PBX1: variants seen among roughly 807,000 people sequenced by gnomAD.
PBX1 encodes the protein pre-B-cell leukemia transcription factor 1.
PBX1 carries 6 observed loss-of-function variants against 53.4 expected under a neutral mutation model. The observed-to-expected ratio is 0.11, with a 90% CI of 0.06 to 0.22. PBX1 has a LOEUF of 0.22. Ranked by LOEUF, PBX1 falls within the 10% of genes least tolerant of loss-of-function variation. The probability of loss-of-function intolerance (pLI) is 1.00; values close to 1 mark genes in which losing one functional copy is unlikely to be tolerated. For missense variants in PBX1, 251 were observed against 551.4 expected (o/e 0.46, Z 5.46); for synonymous variants, 204 against 212.3 (o/e 0.96, Z 0.34).
At chr1:164,760,375 C>T (rs959013347) in intron 2 of PBX1, among the ~76,000 whole-genome samples, 1 of 149,518 alleles carries the variant, frequency 6.7e-6, no homozygotes, top group Non-Finnish European at 1.5e-5. Context: ...CTCCCTTCCT[C>T]CCTCCCACCC....
chr1:164,877,897 A>G (rs1672555481), intron 2 of PBX1, among the ~76,000 whole-genome samples: 1 of 152,160 alleles, frequency 6.6e-6, no homozygotes, highest in Non-Finnish European at 1.5e-5. Flanking sequence ...TTCTTGCCTC[A>G]TCTTCTCCCC....
chr1:164,622,822 C>CT (rs11299132), intron 2 of PBX1, among the ~76,000 whole-genome samples: 21,286 of 106,294 alleles, frequency 0.2, 2,374 homozygotes, highest in Non-Finnish European at 0.27. Context: ...CAGTTTCCAT[C>CT]TTTTTTTTTT....
At chr1:164,809,027 G>A (rs1669484270) in intron 5 of PBX1, among the ~76,000 whole-genome samples, 1 of 152,104 alleles carries the variant, frequency 6.6e-6, no homozygotes, top group South Asian at 2.1e-4. Context: ...ACAAAAAAGG[G>A]AATTAATGCT....
chr1:164,745,027 T>A (rs1174373524), intron 2 of PBX1, among the ~76,000 whole-genome samples: 1 of 152,082 alleles, frequency 6.6e-6, no homozygotes, highest in Non-Finnish European at 1.5e-5. Context: ...CTGTTTCTAT[T>A]CCCATTTTCA....
At chr1:164,827,646 G>A (rs907084222) in intron 8 of PBX1, among the ~76,000 whole-genome samples, 2 of 152,080 alleles carry the variant, frequency 1.3e-5, no homozygotes, top group Non-Finnish European at 2.9e-5. Flanking sequence ...GACCAGAAAA[G>A]CATTTTATTT....
At chr1:164,589,085 C>T (rs904653918) in intron 2 of PBX1, among the ~76,000 whole-genome samples, 1 of 152,180 alleles carries the variant, frequency 6.6e-6, no homozygotes, top group East Asian at 1.9e-4. Context: ...TGACTCCTCA[C>T]CCTTTGTCCT....
At chr1:164,856,414 A>G (rs1671976594), downstream of PBX1, among the ~76,000 whole-genome samples, 1 of 151,836 alleles carries the variant, frequency 6.6e-6, no homozygotes. Context: ...CATAGGGCTC[A>G]CTCTCTGCTG....
intron 2 of PBX1, among the ~76,000 whole-genome samples, chr1:164,657,957 G>C (rs1375414023): frequency 6.6e-6 from 1 of 152,048 alleles, no homozygotes; most frequent in Non-Finnish European, 1.5e-5. Context: ...TAGTAGCTTT[G>C]GGTATGGCCT....
intron 2 of PBX1, among the ~76,000 whole-genome samples, chr1:164,668,400 A>G (rs902752247): frequency 6.6e-6 from 1 of 152,010 alleles, no homozygotes; most frequent in African/African-American, 2.4e-5. Context: ...AATGTATACA[A>G]ATTCTCTCAC....
At chr1:164,860,974 A>G (rs1330831044) in intron 2 of PBX1, among the ~76,000 whole-genome samples, 1 of 152,090 alleles carries the variant, frequency 6.6e-6, no homozygotes, top group Non-Finnish European at 1.5e-5. Context: ...GGTTTGGGAT[A>G]GAGGAGTAGC....
At chr1:164,592,213 T>C (rs1655437181) in intron 2 of PBX1, among the ~76,000 whole-genome samples, 1 of 152,158 alleles carries the variant, frequency 6.6e-6, no homozygotes, top group Non-Finnish European at 1.5e-5. Flanking sequence ...TTTCCTAGCA[T>C]ATGAAATCTT....
In PBX1 at chr1:164,691,985, C is replaced by G. The variant is rs116801081; in HGVS notation, c.266-100509C>G. On this transcript the variant is annotated intron_variant, in intron 2 of 8. Coordinates refer to ENST00000420696, the MANE Select transcript of PBX1 (RefSeq NM_002585.4). ...GTCTGTGTGTAAACTATATGAGATA[C>G]AAATGAATCTTGTGTATAGACATGG... is the stretch of plus-strand genomic sequence containing the variant. Among the ~76,000 whole-genome samples, 1,105 of 152,312 alleles carry G rather than the reference C, an allele frequency of 7.3e-3. 9 individuals are homozygous for G. Among genetic ancestry groups the G allele is most frequent in the Non-Finnish European group, 0.012 (798 of 68,024 alleles).
chr1:164,588,098 G>A (rs1655077951), intron 2 of PBX1, among the ~76,000 whole-genome samples: 1 of 152,130 alleles, frequency 6.6e-6, no homozygotes, highest in African/African-American at 2.4e-5. Flanking sequence ...TTGCATGCGG[G>A]CCCCAAATGA....
At chr1:164,837,752 G>C (rs1030199005) in intron 8 of PBX1, among the ~76,000 whole-genome samples, 1 of 152,148 alleles carries the variant, frequency 6.6e-6, no homozygotes, top group Non-Finnish European at 1.5e-5. Flanking sequence ...TTAGCCTCTT[G>C]TATGTCCATT....
chr1:164,861,099 G>T (rs1672085656), intron 2 of PBX1, among the ~76,000 whole-genome samples: 1 of 152,070 alleles, frequency 6.6e-6, no homozygotes, highest in Non-Finnish European at 1.5e-5. Flanking sequence ...AATGTTAAGA[G>T]AGGAAGGAAA....
At chr1:164,611,662 A>G (rs1030492213) in intron 2 of PBX1, among the ~76,000 whole-genome samples, 7 of 151,924 alleles carry the variant, frequency 4.6e-5, no homozygotes, top group African/African-American at 1.7e-4. Context: ...GGACTTTGCC[A>G]TCCAATGCCT....
chr1:164,604,229 C>T (rs1439388672), intron 2 of PBX1, among the ~76,000 whole-genome samples: 1 of 152,194 alleles, frequency 6.6e-6, no homozygotes, highest in Non-Finnish European at 1.5e-5. Context: ...GCGTGAGCCA[C>T]TGCGTCCGGC....
chr1:164,741,775 T>TG (rs1553238858), intron 2 of PBX1, among the ~76,000 whole-genome samples: 2 of 150,674 alleles, frequency 1.3e-5, no homozygotes, highest in African/African-American at 4.9e-5. Flanking sequence ...TGTGTGTGTG[T>TG]TGCTTGATTT....
At chr1:164,826,498 G>A (rs1670470465) in intron 8 of PBX1, among the ~76,000 whole-genome samples, 1 of 151,964 alleles carries the variant, frequency 6.6e-6, no homozygotes, top group Non-Finnish European at 1.5e-5. Flanking sequence ...TCTGCCTCCT[G>A]GGTTCAAGCG....
Sources: gnomAD v4.1 joint callset for allele counts (sites outside exome capture counted in the v4.1 genomes callset) on GRCh38, gnomAD v4.1.1 for gene constraint, MANE v1.5 for transcripts, NCBI Gene and HGNC (gene_info 2026-07-23, HGNC 2026-07-21) for gene names.